CDKN2B-AS1: variants seen among roughly 807,000 people sequenced by gnomAD.
CDKN2B-AS1 encodes CDKN2B and CDKN2A antisense cis and trans regulatory RNA 1.
intron 1 of CDKN2B-AS1, among the ~76,000 whole-genome samples, chr9:22,035,878 A>G (rs1024683530): frequency 6.6e-6 from 1 of 152,124 alleles, no homozygotes; most frequent in African/African-American, 2.4e-5. Context: ...GTACTGAATT[A>G]AAGAGAATTT....
intron 1 of CDKN2B-AS1, among the ~76,000 whole-genome samples, chr9:22,028,442 A>G (rs997436324): frequency 1.3e-5 from 2 of 152,166 alleles, no homozygotes; most frequent in African/African-American, 4.8e-5. Context: ...AGTAGCTAAT[A>G]CTAGCTAGGG....
At chr9:22,111,650 A>AT (rs986509446) in intron 4 of CDKN2B-AS1, among the ~76,000 whole-genome samples, 2 of 152,016 alleles carry the variant, frequency 1.3e-5, no homozygotes, top group African/African-American at 2.4e-5. Context: ...AGTGAAATAG[A>AT]TTTTTTTTCT....
intron 1 of CDKN2B-AS1, among the ~76,000 whole-genome samples, chr9:22,011,109 C>T (rs1821480783): frequency 6.6e-6 from 1 of 152,276 alleles, no homozygotes; most frequent in South Asian, 2.1e-4. Context: ...ACTAGCACCA[C>T]GGACAGCGCT....
At chr9:22,002,082 A>G (rs945798719) in intron 1 of CDKN2B-AS1, among the ~76,000 whole-genome samples, 1 of 152,076 alleles carries the variant, frequency 6.6e-6, no homozygotes, top group African/African-American at 2.4e-5. Context: ...TAGTAATTGA[A>G]CACTGTGAAC....
intron 4 of CDKN2B-AS1, among the ~76,000 whole-genome samples, chr9:22,058,182 G>A (rs553600544): frequency 2.0e-5 from 3 of 152,262 alleles, no homozygotes; most frequent in African/African-American, 7.2e-5. Context: ...CAGCAAGAGC[G>A]AAACTCCATC....
chr9:22,003,832 G>C (rs941209653), intron 1 of CDKN2B-AS1: 1 of 231,978 alleles, frequency 4.3e-6, no homozygotes, highest in African/African-American at 2.2e-5. Context: ...GTTAGAGAAA[G>C]AAAAGCCACC....
chr9:22,071,285 CTTTTTTTTTTTTT>C (rs71336509), intron 4 of CDKN2B-AS1, among the ~76,000 whole-genome samples: 129 of 67,578 alleles, frequency 1.9e-3, no homozygotes, highest in African/African-American at 8.4e-3. Context: ...AAATATCTAG[CTTTTTTTTTTTTT>C]TTTTTTTTTT....
intron 1 of CDKN2B-AS1, among the ~76,000 whole-genome samples, chr9:22,023,202 T>G (rs1031843139): frequency 6.6e-6 from 1 of 152,216 alleles, no homozygotes; most frequent in African/African-American, 2.4e-5. Context: ...TCATGGATGA[T>G]ATTTTAAAAT....
chr9:22,042,067 ACTAGCCCAGCAGGTTCTACGGG>A (rs1822918780), intron 1 of CDKN2B-AS1, among the ~76,000 whole-genome samples: 1 of 152,044 alleles, frequency 6.6e-6, no homozygotes, highest in African/African-American at 2.4e-5. Flanking sequence ...TTGCTGAAGG[ACTAGCCCAGCAGGTTCTACGGG>A]TGAGATCACT....
At chr9:22,104,373 C>G (rs192692481) in intron 4 of CDKN2B-AS1, among the ~76,000 whole-genome samples, 1 of 152,172 alleles carries the variant, frequency 6.6e-6, no homozygotes, top group Non-Finnish European at 1.5e-5. Context: ...ATCCTGCCAT[C>G]TGGTTTGGAT....
At chr9:22,051,650 C>T (rs1371409259) in intron 3 of CDKN2B-AS1, among the ~76,000 whole-genome samples, 1 of 152,094 alleles carries the variant, frequency 6.6e-6, no homozygotes, top group Non-Finnish European at 1.5e-5. Context: ...AGTAGGTATT[C>T]ATATAGGAAC....
At chr9:22,007,561 G>A (rs1406582023) in intron 1 of CDKN2B-AS1, among the ~76,000 whole-genome samples, 3 of 151,988 alleles carry the variant, frequency 2.0e-5, no homozygotes, top group Admixed American at 1.3e-4. Context: ...CTAAAATCGA[G>A]TTATTTGTTA....
chr9:22,066,130 C>A (rs561129885), intron 4 of CDKN2B-AS1: 17 of 152,134 alleles, frequency 1.1e-4, no homozygotes. Flanking sequence ...CTGCAAGTTT[C>A]TTTTACATGT....
intron 1 of CDKN2B-AS1, among the ~76,000 whole-genome samples, chr9:22,021,239 C>CT (rs897288213): frequency 6.6e-6 from 1 of 151,044 alleles, no homozygotes; most frequent in African/African-American, 2.4e-5. Flanking sequence ...TCTGTGTCTG[C>CT]TTTTTTTTAT....
At chr9:22,098,747 A>T (rs1232446364) in intron 4 of CDKN2B-AS1, among the ~76,000 whole-genome samples, 1 of 152,214 alleles carries the variant, frequency 6.6e-6, no homozygotes, top group Non-Finnish European at 1.5e-5. Flanking sequence ...CTAAGATCAG[A>T]GAGTTAGAAA....
At chr9:22,042,732 A>G (rs1353320036) in intron 1 of CDKN2B-AS1, among the ~76,000 whole-genome samples, 2 of 152,126 alleles carry the variant, frequency 1.3e-5, no homozygotes, top group Non-Finnish European at 2.9e-5. Context: ...TAACCTTGGC[A>G]TTATTATGTT....
At chr9:22,089,095 C>T (rs1438116336) in intron 4 of CDKN2B-AS1, among the ~76,000 whole-genome samples, 3 of 152,180 alleles carry the variant, frequency 2.0e-5, no homozygotes, top group Admixed American at 6.5e-5. Flanking sequence ...CACCCCCTGA[C>T]ATTTTTCTAG....
chr9:22,089,265 G>A lies in CDKN2B-AS1; in HGVS notation n.438+32878G>A, dbSNP rs80307048. 8.9e-3 allele frequency among the ~76,000 whole-genome samples: 1,356 copies of A among 152,156 alleles called. 110 individuals carry two copies. In the East Asian group the frequency reaches 0.19, roughly 21 times the overall value. On this transcript the variant is annotated intron_variant and non_coding_transcript_variant, in intron 4 of 4. Coordinates refer to ENST00000650946, the Ensembl canonical transcript of CDKN2B-AS1. ...AATAGTCTTTGGAGCAAATTTCAGT[G>A]GATACTTGATCAAAATAATGTTGAA...
chr9:22,079,371 C>T (rs548555658), intron 4 of CDKN2B-AS1, among the ~76,000 whole-genome samples: 2 of 152,124 alleles, frequency 1.3e-5, no homozygotes, highest in Admixed American at 6.5e-5. Context: ...GCCTGTAGTT[C>T]CGGCTACTCG....
Sources: allele counts gnomAD v4.1 joint callset (sites outside exome capture counted in the v4.1 genomes callset), GRCh38; gene constraint gnomAD v4.1.1; transcripts MANE v1.5; gene names NCBI Gene and HGNC (gene_info 2026-07-23, HGNC 2026-07-21).